KCNJ15: variants seen among roughly 807,000 people sequenced by gnomAD.
KCNJ15 encodes the protein ATP-sensitive inward rectifier potassium channel 15.
KCNJ15 carries 14 observed loss-of-function variants against 23.0 expected under a neutral mutation model. That is an observed-to-expected ratio of 0.61 (90% CI 0.40 to 0.95). The LOEUF is 0.95. Ranked by LOEUF, KCNJ15 falls within the 40% of genes least tolerant of loss-of-function variation. The probability of loss-of-function intolerance (pLI) is 0.00; values close to 1 mark genes in which losing one functional copy is unlikely to be tolerated. For missense variants in KCNJ15, 388 were observed against 461.8 expected (o/e 0.84, Z 1.46); for synonymous variants, 185 against 183.2 (o/e 1.01, Z -0.08).
chr21:38,289,507 T>G (rs1601235454), intron 1 of KCNJ15, among the ~76,000 whole-genome samples: 1 of 151,812 alleles, frequency 6.6e-6, no homozygotes, highest in South Asian at 2.1e-4. Context: ...TCGAGGCAGG[T>G]GGATCACTTG....
chr21:38,275,588 C>T (rs1982602666), intron 1 of KCNJ15, among the ~76,000 whole-genome samples: 1 of 151,038 alleles, frequency 6.6e-6, no homozygotes, highest in Non-Finnish European at 1.5e-5. Flanking sequence ...CAGAGGCTCC[C>T]TTTTTAAAAG....
At position 38,299,096 on chromosome 21, in the gene KCNJ15, C is replaced by G; in HGVS notation, c.-18-148C>G. 1.5e-6 allele frequency: 1 copy of G among 673,146 alleles called. No homozygotes were observed. The highest frequency in any genetic ancestry group is 2.9e-5 in the Admixed American group (1 of 34,304). 41.7% of individuals were successfully genotyped at this position (673,146 alleles called of 1,614,324 possible). ...CTCCTCACTCTACCCTACCGACCAC[C>G]TAAGTATAGATCAGTTAATCTTGCC... On this transcript the variant is annotated intron_variant, in intron 2 of 2. Transcript: ENST00000398938. This position sits in a 1 kb window ranked among gnomAD's most constrained non-coding sequence, Gnocchi z 4.5.
intron 1 of KCNJ15, among the ~76,000 whole-genome samples, chr21:38,286,450 C>A (rs1319044851): frequency 6.6e-6 from 1 of 152,200 alleles, no homozygotes; most frequent in Non-Finnish European, 1.5e-5. Flanking sequence ...ATTGGTCTTA[C>A]TGTTCCAATC....
At chr21:38,288,040 T>G (rs1434408389) in intron 1 of KCNJ15, among the ~76,000 whole-genome samples, 22 of 86,136 alleles carry the variant, frequency 2.6e-4, no homozygotes, top group African/African-American at 8.1e-4. Flanking sequence ...GTTTTTTTTT[T>G]TTTTTTTTTT....
chr21:38,293,979 T>C (rs1006776846), intron 1 of KCNJ15, among the ~76,000 whole-genome samples: 1 of 151,764 alleles, frequency 6.6e-6, no homozygotes, highest in Non-Finnish European at 1.5e-5. Flanking sequence ...GGGAGGAAAA[T>C]GGCCCAAGGC....
At chr21:38,287,734 T>C (rs1172587254) in intron 1 of KCNJ15, among the ~76,000 whole-genome samples, 1 of 152,194 alleles carries the variant, frequency 6.6e-6, no homozygotes, top group African/African-American at 2.4e-5. Context: ...CACTGTACAG[T>C]GATGGAAATT....
At chr21:38,291,460 C>A (rs531877295) in intron 1 of KCNJ15, 1 of 152,326 alleles carries the variant, frequency 6.6e-6, no homozygotes, top group African/African-American at 2.4e-5. Flanking sequence ...CCCAAGGAAA[C>A]ATTTTCTAAC....
At position 38,300,119 on chromosome 21, in the gene KCNJ15, T is replaced by G; in HGVS notation, c.858T>G (p.Thr286=). The part of the protein sequence containing the change: ...EFELVVLLNA[T]VESTSAVCQS... The stretch of plus-strand genomic sequence containing the variant: ...AGCTTGTGGTCCTCCTCAATGCCAC[T>G]GTGGAATCCACCAGCGCTGTCTGCC... Residue 286 remains threonine, a synonymous_variant, in exon 3 of 3, where the codon ACT becomes ACG. Transcript: ENST00000398938. 1 of 1,614,090 alleles carries G rather than the reference T, an allele frequency of 6.2e-7. No individual in the cohort carries two copies. Among genetic ancestry groups the G allele is most frequent in the East Asian group, 2.2e-5 (1 of 44,890 alleles).
intron 1 of KCNJ15, among the ~76,000 whole-genome samples, chr21:38,233,571 G>T (rs889103957): frequency 1.3e-5 from 2 of 151,842 alleles, no homozygotes; most frequent in Non-Finnish European, 2.9e-5. Flanking sequence ...AATTTTTAGT[G>T]ATTTTTAGTA....
intron 1 of KCNJ15, among the ~76,000 whole-genome samples, chr21:38,233,214 C>T (rs1276557225): frequency 6.6e-6 from 1 of 151,934 alleles, no homozygotes; most frequent in Non-Finnish European, 1.5e-5. Context: ...TTCCTTATCT[C>T]CACTAATATT....
intron 1 of KCNJ15, among the ~76,000 whole-genome samples, chr21:38,261,823 T>C (rs1223395402): frequency 6.6e-6 from 1 of 152,204 alleles, no homozygotes; most frequent in Non-Finnish European, 1.5e-5. Flanking sequence ...ATTGAATGCA[T>C]GAATAATAAG....
At chr21:38,259,372 T>C (rs1429083966) in intron 1 of KCNJ15, among the ~76,000 whole-genome samples, 1 of 152,194 alleles carries the variant, frequency 6.6e-6, no homozygotes, top group Non-Finnish European at 1.5e-5. Context: ...GTGGGAATGC[T>C]TGTTGAAGGC....
At chr21:38,287,685 C>T (rs898390971) in intron 1 of KCNJ15, among the ~76,000 whole-genome samples, 2 of 152,114 alleles carry the variant, frequency 1.3e-5, no homozygotes, top group African/African-American at 4.8e-5. Context: ...AATAGTCCTC[C>T]GGCTAATTAA....
chr21:38,271,102 C>G (rs1435864784), intron 1 of KCNJ15, among the ~76,000 whole-genome samples: 1 of 152,244 alleles, frequency 6.6e-6, no homozygotes, highest in African/African-American at 2.4e-5. Flanking sequence ...GGGACAAAAC[C>G]TGGTTGGGCA....
chr21:38,300,162 A>G lies in KCNJ15; in HGVS notation c.901A>G (p.Ile301Val). Reference sequence around the variant, plus strand: ...TGTCTGCCAGAGCCGAACATCTTATATCCCAGAGGAAATCTACTGGGGTTT... The same window carrying G: ...TGTCTGCCAGAGCCGAACATCTTATGTCCCAGAGGAAATCTACTGGGGTTT... ...SAVCQSRTSYIPEEIYWGFEF... is the reference protein window; with the variant it reads ...SAVCQSRTSYVPEEIYWGFEF... The change falls in exon 3 of 3, where the codon ATC becomes GTC. Residue 301 changes from isoleucine (I) to valine (V), a missense_variant. Physicochemically the swap from Ile to Val is conservative, Grantham distance 29. Transcript: ENST00000398938. 1 of 1,614,164 alleles carries G rather than the reference A, an allele frequency of 6.2e-7. No individual in the cohort carries two copies. The highest frequency in any genetic ancestry group is 8.5e-7 in the Non-Finnish European group (1 of 1,180,032).
chr21:38,290,355 G>T (rs1183402416), intron 1 of KCNJ15, among the ~76,000 whole-genome samples: 3 of 51,212 alleles, frequency 5.9e-5, no homozygotes, highest in Non-Finnish European at 1.2e-4. Flanking sequence ...AGATGGAAAA[G>T]AATTTTTTTT....
intron 1 of KCNJ15, among the ~76,000 whole-genome samples, chr21:38,294,179 G>A (rs1051203159): frequency 6.6e-6 from 1 of 152,188 alleles, no homozygotes; most frequent in African/African-American, 2.4e-5. Context: ...TTTAATCCAG[G>A]CATTTTTTAT....
intron 1 of KCNJ15, among the ~76,000 whole-genome samples, chr21:38,279,680 A>G (rs1372028746): frequency 7.2e-5 from 11 of 152,162 alleles, no homozygotes; most frequent in Admixed American, 7.2e-4. Flanking sequence ...GAAGCAAAGT[A>G]TCGCTTCTGT....
rs183146330 is a variant in KCNJ15 at position 38,274,327 on chromosome 21, A to C, written c.-117+17142A>C. Among the ~76,000 whole-genome samples the C allele has an allele frequency of 2.0e-5, 3 of 152,206 alleles. No individual in the cohort carries two copies. In the East Asian group the frequency reaches 5.8e-4, roughly 29 times the overall value. On this transcript the variant is annotated intron_variant, in intron 1 of 2. Transcript: ENST00000398938. ...ACATCCTTCAGCTTGTTCCTCTTACACCAAAGTGCCATACCATCATCCCCT... is the reference window on the plus strand; with the variant it reads ...ACATCCTTCAGCTTGTTCCTCTTACCCCAAAGTGCCATACCATCATCCCCT...
Sources: allele counts gnomAD v4.1 joint callset (sites outside exome capture counted in the v4.1 genomes callset), GRCh38; gene constraint gnomAD v4.1.1; non-coding constraint Gnocchi (gnomAD v3.1); transcripts MANE v1.5; gene names NCBI Gene and HGNC (gene_info 2026-07-23, HGNC 2026-07-21).